Variants in COL5A1 observed in about 807,000 individuals in gnomAD.
The protein encoded by COL5A1 is collagen type V alpha 1 chain.
A neutral mutation model predicts 263.7 loss-of-function variants in COL5A1; 16 were observed. The observed-to-expected ratio is 0.06, with a 90% CI of 0.04 to 0.09. The LOEUF is 0.09. COL5A1 is among the 10% of genes least tolerant of loss of function. COL5A1 has a pLI of 1.00. For missense variants in COL5A1, 2,036 were observed against 2,540.5 expected (o/e 0.80, Z 4.27); for synonymous variants, 1,012 against 1,004.5 (o/e 1.01, Z -0.14).
chr9:134,762,094 G>A (rs1836469812), intron 19 of COL5A1, 116 bp downstream of exon 19: 3 of 1,050,248 alleles, frequency 2.9e-6, no homozygotes, highest in South Asian at 2.6e-5. Flanking sequence ...CATGTGGAGG[G>A]CCAGCTGGGA....
At chr9:134,735,548 A>G (rs899940652) in intron 9 of COL5A1, among the ~76,000 whole-genome samples, 6 of 152,170 alleles carry the variant, frequency 3.9e-5, no homozygotes, top group African/African-American at 1.4e-4. Flanking sequence ...GCATTCATCC[A>G]GCTGTTCCCA....
intron 11 of COL5A1, among the ~76,000 whole-genome samples, chr9:134,740,438 A>C (rs1835262592): frequency 6.6e-6 from 1 of 152,312 alleles, no homozygotes; most frequent in Admixed American, 6.5e-5. Flanking sequence ...CTGGGTTCGT[A>C]TGCAAAGGAG....
chr9:134,755,397 C>T lies in COL5A1; in HGVS notation c.1827+1071C>T, dbSNP rs55696429. 0.054 allele frequency among the ~76,000 whole-genome samples: 8,179 copies of T among 152,288 alleles called. 277 individuals carry two copies. The highest frequency in any genetic ancestry group is 0.097 in the African/African-American group (4,015 of 41,554). On this transcript the variant is annotated intron_variant, in intron 16 of 65. Coordinates refer to ENST00000371817, the MANE Select transcript of COL5A1 (RefSeq NM_000093.5). This position sits in a 1 kb window ranked among gnomAD's most constrained non-coding sequence, Gnocchi z 4.1. ...GGGAAATGCTGTCTAACATGGCCAG[C>T]TGCAGAGTTGCATGGTGTCGGGGCC... is the stretch of plus-strand genomic sequence containing the variant.
Position 134,755,760 on chromosome 9 carries a change from G to C in COL5A1, c.1828-1005G>C, listed in dbSNP as rs1835945659. 1.3e-5 allele frequency among the ~76,000 whole-genome samples: 2 copies of C among 152,222 alleles called. No homozygotes were observed. Among genetic ancestry groups the C allele is most frequent in the African/African-American group, 4.8e-5 (2 of 41,468 alleles). Reference sequence around the variant, plus strand: ...GATGTCTTTTTGGGGAGCAACGGGAGCACCGACTGTCTCCTTGGGGTGTGT... The same window carrying C: ...GATGTCTTTTTGGGGAGCAACGGGACCACCGACTGTCTCCTTGGGGTGTGT... On this transcript the variant is annotated intron_variant, in intron 16 of 65. Coordinates refer to ENST00000371817, the MANE Select transcript of COL5A1 (RefSeq NM_000093.5). The surrounding 1 kb of genome is among the most constrained non-coding windows in gnomAD (Gnocchi z 4.1).
In COL5A1 at chr9:134,784,955, G is replaced by GGGCA. The variant is rs376936600; in HGVS notation, c.2485-34_2485-33insGGCA. On this transcript the variant is annotated intron_variant, in intron 29 of 65. Coordinates refer to ENST00000371817, the MANE Select transcript of COL5A1 (RefSeq NM_000093.5). ...GTGGAGAATAGTGTGTGTGCGGGGG[G>GGGCA]TGGTCTTCTCACCTCCTCTTTTCTG... 0.05 allele frequency: 74,773 copies of GGGCA among 1,501,604 alleles called. 2,428 individuals are homozygous for GGGCA. The highest frequency in any genetic ancestry group is 0.11 in the African/African-American group (8,295 of 72,184). 93.0% of individuals were successfully genotyped at this position (1,501,604 alleles called of 1,614,324 possible).
In COL5A1 at chr9:134,830,020, C is replaced by T. The variant is rs1297044673; in HGVS notation, c.5112C>T (p.Phe1704=). 4 of 1,614,052 alleles carry T rather than the reference C, an allele frequency of 2.5e-6. No homozygotes were observed. Among genetic ancestry groups the T allele is most frequent in the South Asian group, 1.1e-5 (1 of 91,036 alleles). Residue 1704 remains phenylalanine, a synonymous_variant, in exon 64 of 66, where the codon TTC becomes TTT. Coordinates refer to ENST00000371817, the MANE Select transcript of COL5A1 (RefSeq NM_000093.5). ...CCAAAGAAAACCCGGGCTCCTGGTT[C>T]AGTGAATTCAAGCGTGGGAAACTGG... ...SWPKENPGSW[F]SEFKRGKLLS...
chr9:134,820,149 C>T lies in COL5A1; in HGVS notation c.4480C>T (p.Pro1494Ser). Reference protein sequence around the residue: ...HPGLIGLIGPPGEQGEKGDRG... With the variant: ...HPGLIGLIGPSGEQGEKGDRG... Reference sequence around the variant, plus strand: ...AGGCCTGATCGGGCTCATCGGTCCTCCGGGTGAACAGGGTGAGAAGGGCGA... The same window carrying T: ...AGGCCTGATCGGGCTCATCGGTCCTTCGGGTGAACAGGGTGAGAAGGGCGA... Residue 1494 changes from proline to serine, a missense_variant, in exon 58 of 66, where the codon CCG becomes TCG. Coordinates refer to ENST00000371817, the MANE Select transcript of COL5A1 (RefSeq NM_000093.5). 6.2e-7 allele frequency: 1 copy of T among 1,614,034 alleles called. No individual in the cohort carries two copies. The highest frequency in any genetic ancestry group is 8.5e-7 in the Non-Finnish European group (1 of 1,179,998).
intron 1 of COL5A1, chr9:134,653,135 C>T (rs531851551): frequency 5.5e-5 from 9 of 163,778 alleles, no homozygotes; most frequent in African/African-American, 1.9e-4. Flanking sequence ...TGGTGGTCCC[C>T]GCTTCACAAA....
At chr9:134,763,861 A>C in intron 20 of COL5A1, 124 bp downstream of exon 20, 1 of 968,464 alleles carries the variant, frequency 1.0e-6, no homozygotes. Flanking sequence ...TCGACCTGAG[A>C]ACAGACGGAC....
chr9:134,688,112 C>T (rs1282135155), intron 1 of COL5A1, among the ~76,000 whole-genome samples: 4 of 152,214 alleles, frequency 2.6e-5, no homozygotes, highest in Non-Finnish European at 4.4e-5. Context: ...AAGCCCCTGG[C>T]CAGCAGGAGG....
intron 11 of COL5A1, 64 bp downstream of exon 11, chr9:134,738,872 A>G (rs1835199397): frequency 1.5e-6 from 2 of 1,358,004 alleles, no homozygotes; most frequent in East Asian, 4.6e-5. Context: ...CCTCCTCTCC[A>G]CACTGTGACC....
intron 52 of COL5A1, 101 bp downstream of exon 52, chr9:134,816,089 TTGATATTGATTCCTTTA>T: frequency 1.9e-6 from 2 of 1,078,316 alleles, no homozygotes; most frequent in East Asian, 2.4e-5. Context: ...TCCAACCTAG[TTGATATTGATTCCTTTA>T]TGATATCGAT....
At position 134,820,209 on chromosome 9, in the gene COL5A1, C is replaced by T; in HGVS notation, c.4540C>T (p.Pro1514Ser). The T allele has an allele frequency of 1.9e-6, 3 of 1,613,638 alleles. No individual in the cohort carries two copies. The highest frequency in any genetic ancestry group is 2.5e-6 in the Non-Finnish European group (3 of 1,179,788). The change falls in exon 58 of 66, where the codon CCT becomes TCT. Residue 1514 changes from proline (P) to serine (S), a missense_variant. Transcript: ENST00000371817. ...CCCTGGCCCCCAGGGCTCCTCCGGT[C>T]CTAAGGGAGAACAGGTGCGTGAGAT... ...GLPGPQGSSG[P>S]KGEQGITGPS...
intron 1 of COL5A1, among the ~76,000 whole-genome samples, chr9:134,650,599 G>A (rs1338255960): frequency 6.6e-6 from 1 of 152,240 alleles, no homozygotes; most frequent in Non-Finnish European, 1.5e-5. Flanking sequence ...TGGGAGTAGG[G>A]TGTGGCCAAG....
chr9:134,840,641 G>A (rs1041214861), intron 65 of COL5A1, among the ~76,000 whole-genome samples: 2 of 152,156 alleles, frequency 1.3e-5, no homozygotes, highest in African/African-American at 2.4e-5. Flanking sequence ...GACAAATCTC[G>A]CCAGCTGCGT....
intron 27 of COL5A1, among the ~76,000 whole-genome samples, chr9:134,777,769 C>T (rs1292115898): frequency 6.6e-6 from 1 of 152,180 alleles, no homozygotes; most frequent in African/African-American, 2.4e-5. Context: ...TGCCAATGCC[C>T]CCGGGTGCTG....
chr9:134,774,739 A>G (rs1280901552), intron 26 of COL5A1, 120 bp from the exon 27 acceptor site: 6 of 1,031,532 alleles, frequency 5.8e-6, no homozygotes, highest in Non-Finnish European at 7.4e-6. Flanking sequence ...GGAGGCTCTG[A>G]GCTGGGATGT....
chr9:134,800,749 C>CAAAAAAAAAAAAAAAAAA (rs397951217), intron 37 of COL5A1, among the ~76,000 whole-genome samples: 1 of 81,602 alleles, frequency 1.2e-5, no homozygotes, highest in Non-Finnish European at 2.3e-5. Context: ...CTGTCTCAAA[C>CAAAAAAAAAAAAAAAAAA]AAAAAAAAAA....
At chr9:134,788,720 G>A (rs1192086930) in intron 31 of COL5A1, among the ~76,000 whole-genome samples, 2 of 151,662 alleles carry the variant, frequency 1.3e-5, no homozygotes, top group Non-Finnish European at 2.9e-5. Context: ...TGTATGAATG[G>A]GTAGGTGGGC....
Sources: allele counts gnomAD v4.1 joint callset (sites outside exome capture counted in the v4.1 genomes callset), GRCh38; gene constraint gnomAD v4.1.1; non-coding constraint Gnocchi (gnomAD v3.1); transcripts MANE v1.5; gene names NCBI Gene and HGNC (gene_info 2026-07-23, HGNC 2026-07-21).